Variants in CTNND2 observed in about 807,000 individuals in gnomAD.
CTNND2 encodes catenin delta-2.
In CTNND2, 22 loss-of-function variants were observed where a neutral mutation model predicts 144.4. That is an observed-to-expected ratio of 0.15 (90% CI 0.11 to 0.22). The LOEUF (loss-of-function observed/expected upper bound fraction) is 0.22, where lower values mean the gene tolerates loss of function less well. Among genes scored for constraint, CTNND2 ranks in the 10% least tolerant of loss-of-function variants. CTNND2 has a pLI of 1.00. For synonymous variants in CTNND2, 751 were observed against 695.6 expected, an observed-to-expected ratio of 1.08 and a Z score of -1.25; for missense variants, 1,353 against 1,618.8, an observed-to-expected ratio of 0.84 and a Z score of 2.82.
At chr5:11,703,866 A>C (rs1163982935) in intron 2 of CTNND2, among the ~76,000 whole-genome samples, 3 of 152,230 alleles carry the variant, frequency 2.0e-5, no homozygotes, top group Admixed American at 6.5e-5. Context: ...AGAATCACTT[A>C]GTAACTAAAA....
intron 9 of CTNND2, among the ~76,000 whole-genome samples, chr5:11,315,255 G>A (rs32117): frequency 0.04 from 6,150 of 152,250 alleles, 424 homozygotes; most frequent in African/African-American, 0.14. Flanking sequence ...GGCAACTGAT[G>A]TAATGCTGAG....
chr5:11,537,732 T>A (rs1774350878), intron 3 of CTNND2, among the ~76,000 whole-genome samples: 1 of 152,178 alleles, frequency 6.6e-6, no homozygotes. Context: ...AAGCAGCATA[T>A]ATATTTAAAG....
intron 2 of CTNND2, among the ~76,000 whole-genome samples, chr5:11,692,632 C>T (rs1784959759): frequency 6.6e-6 from 1 of 152,160 alleles, no homozygotes; most frequent in African/African-American, 2.4e-5. Context: ...GATGGAGTAT[C>T]GCTCTGTTGC....
At chr5:11,880,984 A>G (rs1736065233) in intron 1 of CTNND2, among the ~76,000 whole-genome samples, 2 of 147,932 alleles carry the variant, frequency 1.4e-5, no homozygotes, top group African/African-American at 4.9e-5. Flanking sequence ...CACTACCACT[A>G]CTACTGCTAC....
chr5:11,707,018 G>A (rs1490274188), intron 2 of CTNND2, among the ~76,000 whole-genome samples: 4 of 151,522 alleles, frequency 2.6e-5, no homozygotes, highest in African/African-American at 9.7e-5. Context: ...CCCAGGAGGC[G>A]GAGCTTGCAG....
intron 10 of CTNND2, among the ~76,000 whole-genome samples, chr5:11,217,605 C>T (rs537975989): frequency 6.6e-6 from 1 of 152,268 alleles, no homozygotes; most frequent in East Asian, 1.9e-4. Flanking sequence ...GAAATCCTTA[C>T]ATTTAATTAG....
At chr5:11,839,121 A>G (rs1165144343) in intron 1 of CTNND2, among the ~76,000 whole-genome samples, 1 of 152,142 alleles carries the variant, frequency 6.6e-6, no homozygotes, top group African/African-American at 2.4e-5. Flanking sequence ...AATGAATCTC[A>G]GCCTTTTTAT....
chr5:11,268,944 G>A (rs1745730521), intron 9 of CTNND2, among the ~76,000 whole-genome samples: 2 of 152,238 alleles, frequency 1.3e-5, no homozygotes, highest in Admixed American at 6.5e-5. Context: ...GATAGGGAAT[G>A]TTAGTTAACA....
intron 11 of CTNND2, among the ~76,000 whole-genome samples, chr5:11,186,754 T>C (rs899171225): frequency 6.6e-6 from 1 of 152,132 alleles, no homozygotes; most frequent in African/African-American, 2.4e-5. Context: ...GGTCCAGAAA[T>C]ATGTATTGTT....
chr5:11,239,180 T>C (rs1741955525), intron 9 of CTNND2, among the ~76,000 whole-genome samples: 1 of 152,278 alleles, frequency 6.6e-6, no homozygotes. Flanking sequence ...ATTGCTCTAT[T>C]AGGTGATGGC....
rs371225430 is a variant in CTNND2, at chr5:11,312,029, CCA to C, written c.1628+34341_1628+34342del. Among the ~76,000 whole-genome samples, 785 of 150,016 alleles carry C rather than the reference CCA, an allele frequency of 5.2e-3. 6 individuals are homozygous for C. Among genetic ancestry groups the C allele is most frequent in the African/African-American group, 0.016 (664 of 40,752 alleles). On this transcript the variant is annotated intron_variant, in intron 9 of 21. Transcript: ENST00000304623. ...CACACACTCACCATACACCTTCACC[CCA>C]CACACACACTCACACACACTTGCCA...
At chr5:11,800,764 T>C (rs771616406) in intron 1 of CTNND2, among the ~76,000 whole-genome samples, 5 of 152,214 alleles carry the variant, frequency 3.3e-5, no homozygotes, top group Non-Finnish European at 7.4e-5. Context: ...TTCTCAGCTA[T>C]TGGAAAACCT....
At chr5:11,497,222 A>C (rs1770037725) in intron 3 of CTNND2, among the ~76,000 whole-genome samples, 1 of 149,842 alleles carries the variant, frequency 6.7e-6, no homozygotes, top group African/African-American at 2.5e-5. Context: ...CACTCATGTG[A>C]CTACTTTTTT....
chr5:11,767,547 G>C (rs1789667682), intron 1 of CTNND2, among the ~76,000 whole-genome samples: 1 of 152,196 alleles, frequency 6.6e-6, no homozygotes, highest in Admixed American at 6.5e-5. Flanking sequence ...TGACAAGCAA[G>C]TTAGATGAAC....
chr5:11,032,635 C>A (rs982071224), intron 16 of CTNND2, among the ~76,000 whole-genome samples: 13 of 151,832 alleles, frequency 8.6e-5, no homozygotes, highest in African/African-American at 2.7e-4. Context: ...GTTCTGAGTG[C>A]TTATTTTTTT....
chr5:11,709,783 A>G (rs10041091), intron 2 of CTNND2, among the ~76,000 whole-genome samples: 30,720 of 152,116 alleles, frequency 0.2, 4,754 homozygotes, highest in African/African-American at 0.44. Context: ...ATTTTGTACA[A>G]AACATTTCTT....
At chr5:11,765,895 A>C (rs1000379340) in intron 1 of CTNND2, among the ~76,000 whole-genome samples, 3 of 152,254 alleles carry the variant, frequency 2.0e-5, no homozygotes, top group African/African-American at 7.2e-5. Context: ...TTACATCAGA[A>C]TAGATCTGTT....
At chr5:11,636,003 C>T (rs978877178) in intron 2 of CTNND2, among the ~76,000 whole-genome samples, 1 of 150,910 alleles carries the variant, frequency 6.6e-6, no homozygotes, top group Non-Finnish European at 1.5e-5. Flanking sequence ...CTTCTGAGGC[C>T]CTCCAAGCAT....
At chr5:11,110,115 C>A (rs1272232307) in intron 14 of CTNND2, among the ~76,000 whole-genome samples, 2 of 152,128 alleles carry the variant, frequency 1.3e-5, no homozygotes, top group Non-Finnish European at 2.9e-5. Context: ...CCTGGTGGGG[C>A]CTGTGGTGAG....
Sources: gnomAD v4.1 joint callset for allele counts (sites outside exome capture counted in the v4.1 genomes callset) on GRCh38, gnomAD v4.1.1 for gene constraint, MANE v1.5 for transcripts, NCBI Gene and HGNC (gene_info 2026-07-23, HGNC 2026-07-21) for gene names.